The following FOXP4 variants were observed in gnomAD, a reference collection of about 807,000 sequenced individuals.
The protein encoded by FOXP4 is forkhead box protein P4.
In FOXP4, 25 loss-of-function variants were observed where a neutral mutation model predicts 82.6. The ratio of observed to expected loss-of-function variants is 0.30; its 90% CI spans 0.22 to 0.42. The LOEUF (loss-of-function observed/expected upper bound fraction) is 0.42, where lower values mean the gene tolerates loss of function less well. FOXP4 is among the 10% of genes least tolerant of loss of function. The pLI, the probability that FOXP4 is intolerant of heterozygous loss-of-function variation, is 1.00. For synonymous variants in FOXP4, 415 were observed against 388.2 expected, an observed-to-expected ratio of 1.07 and a Z score of -0.81; for missense variants, 785 against 900.9, an observed-to-expected ratio of 0.87 and a Z score of 1.65.
intron 14 of FOXP4, among the ~76,000 whole-genome samples, 158 bp from the exon 15 acceptor site, chr6:41,597,016 TAC>T (rs1249951535): frequency 2.0e-5 from 3 of 151,954 alleles, no homozygotes; most frequent in Non-Finnish European, 4.4e-5. Context: ...TCAGACCAAG[TAC>T]ACACACAGCT....
chr6:41,578,145 G>C (rs1238909795), intron 3 of FOXP4, 64 bp downstream of exon 3: 13 of 1,404,620 alleles, frequency 9.3e-6, no homozygotes, highest in South Asian at 1.2e-5. Flanking sequence ...CACAGAGGGA[G>C]GGCAAGGACC....
chr6:41,578,216 TAC>T (rs1765600905), intron 3 of FOXP4, 135 bp downstream of exon 3: 5 of 699,672 alleles, frequency 7.1e-6, no homozygotes, highest in Admixed American at 2.7e-5. Flanking sequence ...TCAAAGGAAA[TAC>T]AGTCACTGCA....
intron 13 of FOXP4, 116 bp from the exon 14 acceptor site, chr6:41,594,754 C>A (rs1167338463): frequency 4.3e-5 from 64 of 1,479,170 alleles, no homozygotes; most frequent in Non-Finnish European, 5.5e-5. Flanking sequence ...CCCTGCTCAT[C>A]CCTGAGCTGG....
intron 3 of FOXP4, among the ~76,000 whole-genome samples, chr6:41,582,742 C>G (rs1405975178): frequency 6.6e-6 from 1 of 152,124 alleles, no homozygotes; most frequent in East Asian, 1.9e-4. Flanking sequence ...ACATCCACCC[C>G]TGCAGCCTGG....
intron 1 of FOXP4, among the ~76,000 whole-genome samples, chr6:41,555,176 G>A (rs1189713001): frequency 1.3e-5 from 2 of 151,696 alleles, no homozygotes; most frequent in African/African-American, 4.8e-5. Flanking sequence ...AGCCAAGGAG[G>A]AAAGGTTGCA....
In FOXP4 at chr6:41,597,872, A is replaced by T. The variant is rs1401628357; in HGVS notation, c.1817A>T (p.Asp606Val). The change falls in exon 16 of 17, where the codon GAT becomes GTT. Residue 606 changes from aspartate (D) to valine (V), a missense_variant. By Grantham distance (152) the Asp-to-Val change is radical. Transcript: ENST00000307972. ...AGCAGCCTGCTGCCCCTCAGCCACG[A>T]TGACGTGGGTGCCCCCGTGGAGCCG... is the stretch of plus-strand genomic sequence containing the variant. Reference protein sequence around the residue: ...SASSLLPLSHDDVGAPVEPLP... With the variant: ...SASSLLPLSHVDVGAPVEPLP... 5 of 1,597,484 alleles carry T rather than the reference A, an allele frequency of 3.1e-6. No individual in the cohort carries two copies. The highest frequency in any genetic ancestry group is 3.4e-6 in the Non-Finnish European group (4 of 1,176,426).
intron 2 of FOXP4, among the ~76,000 whole-genome samples, chr6:41,566,426 TCCA>T (rs1462060275): frequency 6.6e-6 from 1 of 152,186 alleles, no homozygotes; most frequent in Non-Finnish European, 1.5e-5. Context: ...AGCTTGGGCC[TCCA>T]TTTCCAGCAG....
intron 16 of FOXP4, 181 bp from the exon 17 acceptor site, chr6:41,598,608 C>T: frequency 2.4e-6 from 2 of 841,360 alleles, no homozygotes. Context: ...GTCTCTGCCC[C>T]AGGACCAGCT....
chr6:41,588,658 A>G lies in FOXP4; in HGVS notation c.992A>G (p.Glu331Gly). ...LGQFIKHLNT[E>G]HALDDRSTAQ... ...TCCCCTTGAAGACACCTCAACACAG[A>G]GCACGCCCTGGATGACCGGAGTACA... The change falls in exon 9 of 17, where the codon GAG (glutamate) becomes GGG (glycine). Residue 331 changes from glutamate (E) to glycine (G), a missense_variant. This residue lies in a region of FOXP4 where 570 missense variants were observed against 634.0 expected (regional missense o/e 0.90). Coordinates refer to ENST00000307972, the MANE Select transcript of FOXP4 (RefSeq NM_001012426.2). The G allele has an allele frequency of 6.2e-7, 1 of 1,614,092 alleles. No individual in the cohort carries two copies. Among genetic ancestry groups the G allele is most frequent in the Non-Finnish European group, 8.5e-7 (1 of 1,180,024 alleles).
At chr6:41,587,660 G>C in intron 7 of FOXP4, 133 bp from the exon 8 acceptor site, 1 of 903,744 alleles carries the variant, frequency 1.1e-6, no homozygotes, top group Non-Finnish European at 1.7e-6. Context: ...GGGGTGTACA[G>C]ATGGTGCTTG....
intron 3 of FOXP4, among the ~76,000 whole-genome samples, chr6:41,584,544 A>G (rs1041219670): frequency 6.6e-6 from 1 of 152,210 alleles, no homozygotes; most frequent in Non-Finnish European, 1.5e-5. Flanking sequence ...GGTGACCTTA[A>G]TAGGTAGGTA....
chr6:41,570,223 C>A (rs1308667314), intron 2 of FOXP4: 1 of 450,770 alleles, frequency 2.2e-6, no homozygotes, highest in Non-Finnish European at 4.7e-6. Context: ...CCCACACCTT[C>A]TGCATTCTCC....
intron 7 of FOXP4, 36 bp from the exon 8 acceptor site, chr6:41,587,757 G>A (rs1766238191): frequency 4.9e-6 from 7 of 1,415,482 alleles, no homozygotes; most frequent in African/African-American, 1.4e-5. Flanking sequence ...GGGTCTTCAG[G>A]GTCCCTGATC....
At chr6:41,585,132 C>G (rs1016804223) in intron 4 of FOXP4, among the ~76,000 whole-genome samples, 11 of 152,168 alleles carry the variant, frequency 7.2e-5, no homozygotes, top group African/African-American at 2.2e-4. Flanking sequence ...CCACTTCTAT[C>G]TCCTGAACAG....
At chr6:41,579,763 C>A (rs1299424963) in intron 3 of FOXP4, among the ~76,000 whole-genome samples, 1 of 152,130 alleles carries the variant, frequency 6.6e-6, no homozygotes, top group Non-Finnish European at 1.5e-5. Context: ...TCATTACTTC[C>A]AAAAATTCAT....
chr6:41,559,441 C>CTT (rs1554170393), intron 1 of FOXP4, among the ~76,000 whole-genome samples: 1 of 152,180 alleles, frequency 6.6e-6, no homozygotes, highest in Non-Finnish European at 1.5e-5. Flanking sequence ...AGAAGCATGA[C>CTT]TTTGTTCATG....
chr6:41,573,071 C>T (rs7739759), intron 2 of FOXP4, among the ~76,000 whole-genome samples: 7,996 of 152,268 alleles, frequency 0.053, 405 homozygotes, highest in East Asian at 0.15. Flanking sequence ...TTCGACTTCT[C>T]ATTCTCAACA....
chr6:41,573,244 C>G (rs896051802), intron 2 of FOXP4, among the ~76,000 whole-genome samples: 16 of 152,124 alleles, frequency 1.1e-4, no homozygotes, highest in African/African-American at 3.9e-4. Flanking sequence ...CCTCTCCCAC[C>G]CCCCACTCCA....
intron 1 of FOXP4, among the ~76,000 whole-genome samples, chr6:41,556,624 A>G (rs1425101343): frequency 2.0e-5 from 3 of 152,056 alleles, no homozygotes; most frequent in Non-Finnish European, 2.9e-5. Flanking sequence ...GCGCCCGGCA[A>G]GCGAATGGTT....
Sources: allele counts gnomAD v4.1 joint callset (sites outside exome capture counted in the v4.1 genomes callset), GRCh38; gene constraint gnomAD v4.1.1; regional missense constraint gnomAD v4.1.1; transcripts MANE v1.5; gene names NCBI Gene and HGNC (gene_info 2026-07-23, HGNC 2026-07-21).